The following EPHA6 variants were observed in gnomAD, a reference collection of about 807,000 sequenced individuals.
EPHA6 encodes ephrin type-A receptor 6.
A neutral mutation model predicts 112.0 loss-of-function variants in EPHA6; 50 were observed. The observed-to-expected ratio is 0.45, with a 90% confidence interval of 0.36 to 0.56. The LOEUF is 0.56. Among genes scored for constraint, EPHA6 ranks in the 20% least tolerant of loss-of-function variants. The probability of loss-of-function intolerance (pLI) is 0.00; values close to 1 mark genes in which losing one functional copy is unlikely to be tolerated. For missense variants in EPHA6, 1,280 were observed against 1,417.4 expected, an observed-to-expected ratio of 0.90 and a Z score of 1.56; for synonymous variants, 529 against 490.7, an observed-to-expected ratio of 1.08 and a Z score of -1.03.
chr3:97,056,140 T>C (rs796108777), intron 3 of EPHA6, among the ~76,000 whole-genome samples: 16 of 152,298 alleles, frequency 1.1e-4, no homozygotes, highest in Middle Eastern at 3.4e-3. Context: ...TATTAGAACA[T>C]GTTATTCATC....
chr3:97,331,020 A>G (rs2082772122), intron 5 of EPHA6, among the ~76,000 whole-genome samples: 1 of 152,192 alleles, frequency 6.6e-6, no homozygotes, highest in South Asian at 2.1e-4. Flanking sequence ...AGCAAATGTA[A>G]GAGAACAGAA....
At chr3:97,732,206 T>C (rs1232637869) in intron 15 of EPHA6, among the ~76,000 whole-genome samples, 3 of 151,736 alleles carry the variant, frequency 2.0e-5, no homozygotes, top group Non-Finnish European at 4.4e-5. Flanking sequence ...ATTCCTCTCT[T>C]TGAAGACTAT....
At chr3:97,719,979 GTTAA>G (rs777561831) in intron 14 of EPHA6, among the ~76,000 whole-genome samples, 7 of 152,120 alleles carry the variant, frequency 4.6e-5, no homozygotes, top group East Asian at 1.9e-4. Flanking sequence ...TTATAGAGGG[GTTAA>G]TTGTGTGAAT....
Position 97,532,208 on chromosome 3 carries a change from A to C in EPHA6, c.2201-150A>C, listed in dbSNP as rs186738875. 1.1e-4 allele frequency: 73 copies of C among 643,172 alleles called. No individual in the cohort carries two copies. In the East Asian group the frequency reaches 2.2e-3, roughly 19 times the overall value. 39.8% of individuals were successfully genotyped at this position (643,172 alleles called of 1,614,324 possible). Reference sequence around the variant, plus strand: ...GCTGATCAAGTATATTATCCTTATAAACTTACTCTTTAAGAAAGAAATGTT... The same window carrying C: ...GCTGATCAAGTATATTATCCTTATACACTTACTCTTTAAGAAAGAAATGTT... On this transcript the variant is annotated intron_variant, in intron 10 of 17. Coordinates refer to ENST00000389672, the MANE Select transcript of EPHA6 (RefSeq NM_001080448.3).
At chr3:97,252,342 G>T (rs72924451) in intron 5 of EPHA6, among the ~76,000 whole-genome samples, 1,914 of 152,166 alleles carry the variant, frequency 0.013, 43 homozygotes, top group African/African-American at 0.042. Flanking sequence ...CTCCTCCCTG[G>T]TAGGTGAGAG....
At chr3:97,188,565 T>TA (rs1232817078) in intron 3 of EPHA6, among the ~76,000 whole-genome samples, 1 of 151,966 alleles carries the variant, frequency 6.6e-6, no homozygotes, top group African/African-American at 2.4e-5. Context: ...AAGAAATAAA[T>TA]ACAGCAAACC....
intron 11 of EPHA6, among the ~76,000 whole-genome samples, chr3:97,575,740 A>C (rs1450877368): frequency 2.0e-5 from 3 of 152,196 alleles, no homozygotes; most frequent in Non-Finnish European, 2.9e-5. Context: ...GCATTTTAGA[A>C]ATATTTATCT....
chr3:97,145,264 A>G (rs2076011612), intron 3 of EPHA6, among the ~76,000 whole-genome samples: 1 of 151,492 alleles, frequency 6.6e-6, no homozygotes, highest in Non-Finnish European at 1.5e-5. Flanking sequence ...ACACAAGAGA[A>G]CTTACTCTAA....
chr3:97,440,078 T>C (rs144828847), intron 6 of EPHA6, among the ~76,000 whole-genome samples: 1 of 152,270 alleles, frequency 6.6e-6, no homozygotes, highest in Non-Finnish European at 1.5e-5. Flanking sequence ...TTCAGGAAAT[T>C]GCAGCCCACT....
At chr3:96,981,996 A>C (rs1395836463) in intron 2 of EPHA6, among the ~76,000 whole-genome samples, 3 of 151,974 alleles carry the variant, frequency 2.0e-5, no homozygotes, top group African/African-American at 7.3e-5. Flanking sequence ...TGATCTTTTC[A>C]AAAAACCATC....
chr3:97,332,234 A>G (rs1238515741), intron 5 of EPHA6, among the ~76,000 whole-genome samples: 1 of 152,166 alleles, frequency 6.6e-6, no homozygotes, highest in African/African-American at 2.4e-5. Context: ...CTCTCAATAA[A>G]TTAGGTATTG....
Position 97,749,346 on chromosome 3 carries a change from T to C in EPHA6, c.*645T>C, listed in dbSNP as rs897741087. 2.8e-5 allele frequency: 6 copies of C among 210,770 alleles called. No homozygotes were observed. The highest frequency in any genetic ancestry group is 1.1e-4 in the African/African-American group (5 of 44,076). 13.1% of individuals were successfully genotyped at this position (210,770 alleles called of 1,614,324 possible). On this transcript the variant is annotated 3_prime_UTR_variant, in exon 18 of 18. Coordinates refer to ENST00000389672, the MANE Select transcript of EPHA6 (RefSeq NM_001080448.3). ...ACTGTGTTTATAAATCTTCTGAGGC[T>C]GGGTTTGTCAATTTTTTAAAAATTA...
intron 10 of EPHA6, among the ~76,000 whole-genome samples, chr3:97,493,623 C>CTGTGTGTGTGTGTG (rs373276812): frequency 4.7e-5 from 7 of 147,390 alleles, no homozygotes; most frequent in African/African-American, 1.7e-4. Context: ...ATTTAGTCCT[C>CTGTGTGTGTGTGTG]TGTGTGTGTG....
chr3:96,971,218 A>C (rs2042306066), intron 2 of EPHA6, among the ~76,000 whole-genome samples: 1 of 152,080 alleles, frequency 6.6e-6, no homozygotes. Context: ...TCTTAGTAGA[A>C]GTTATCTTTA....
intron 3 of EPHA6, among the ~76,000 whole-genome samples, chr3:96,996,275 C>T (rs2043418333): frequency 6.6e-6 from 1 of 152,088 alleles, no homozygotes; most frequent in Non-Finnish European, 1.5e-5. Context: ...CAGTTATTTT[C>T]TGCAACGTCA....
intron 3 of EPHA6, among the ~76,000 whole-genome samples, chr3:97,117,905 A>AT (rs1487215010): frequency 6.6e-6 from 1 of 151,864 alleles, no homozygotes; most frequent in Non-Finnish European, 1.5e-5. Flanking sequence ...GGTAGTTCAT[A>AT]TACAAAGAAC....
At chr3:96,945,281 G>A (rs2041194628) in intron 2 of EPHA6, among the ~76,000 whole-genome samples, 1 of 152,090 alleles carries the variant, frequency 6.6e-6, no homozygotes, top group African/African-American at 2.4e-5. Flanking sequence ...CCAATAGTCT[G>A]TTTTCCTGTA....
At chr3:97,724,737 T>C (rs148415829) in intron 15 of EPHA6, among the ~76,000 whole-genome samples, 130 of 151,830 alleles carry the variant, frequency 8.6e-4, no homozygotes, top group African/African-American at 3.0e-3. Context: ...GGTGACAGAG[T>C]GAAGTCCGGT....
chr3:97,165,321 A>G (rs1352458805), intron 3 of EPHA6, among the ~76,000 whole-genome samples: 2 of 152,152 alleles, frequency 1.3e-5, no homozygotes, highest in Non-Finnish European at 2.9e-5. Flanking sequence ...GACTTGTAAC[A>G]TATATAATAT....
Sources: gnomAD v4.1 joint callset for allele counts (sites outside exome capture counted in the v4.1 genomes callset) on GRCh38, gnomAD v4.1.1 for gene constraint, MANE v1.5 for transcripts, NCBI Gene and HGNC (gene_info 2026-07-23, HGNC 2026-07-21) for gene names.